PTPRG: variants seen among roughly 807,000 people sequenced by gnomAD.
The protein encoded by PTPRG is protein tyrosine phosphatase receptor type G, also known as receptor-type tyrosine-protein phosphatase gamma.
PTPRG carries 102 observed loss-of-function variants against 165.3 expected under a neutral mutation model. That is an observed-to-expected ratio of 0.62 (90% CI 0.53 to 0.73). PTPRG has a LOEUF of 0.73. Among genes scored for constraint, PTPRG ranks in the 30% least tolerant of loss-of-function variants. PTPRG has a pLI of 0.00. For synonymous variants in PTPRG, 675 were observed against 669.5 expected (o/e 1.01, Z -0.13); for missense variants, 1,866 against 1,861.4 (o/e 1.00, Z -0.05).
At chr3:62,047,868 A>G (rs983214084) in intron 4 of PTPRG, among the ~76,000 whole-genome samples, 1 of 152,084 alleles carries the variant, frequency 6.6e-6, no homozygotes, top group Non-Finnish European at 1.5e-5. Context: ...TTAAAAACAG[A>G]TTTCAGGTTT....
At chr3:61,652,574 T>G (rs1433330942) in intron 1 of PTPRG, among the ~76,000 whole-genome samples, 1 of 147,634 alleles carries the variant, frequency 6.8e-6, no homozygotes, top group Non-Finnish European at 1.5e-5. Flanking sequence ...TCTAGAACCT[T>G]GTTCCTCTAG....
chr3:62,074,829 A>G (rs1701331629), intron 4 of PTPRG, among the ~76,000 whole-genome samples: 1 of 152,110 alleles, frequency 6.6e-6, no homozygotes, highest in Non-Finnish European at 1.5e-5. Flanking sequence ...TGAGGATAAA[A>G]TTGATGGTAG....
At chr3:62,099,791 ATCTTTT>A (rs1225916093) in intron 5 of PTPRG, among the ~76,000 whole-genome samples, 1 of 133,878 alleles carries the variant, frequency 7.5e-6, no homozygotes, top group Non-Finnish European at 1.6e-5. Context: ...TAAGTGTTAA[ATCTTTT>A]TTTTTTTTTT....
At chr3:61,826,023 A>G (rs1266301297) in intron 2 of PTPRG, among the ~76,000 whole-genome samples, 1 of 152,218 alleles carries the variant, frequency 6.6e-6, no homozygotes. Flanking sequence ...CATAGGAACT[A>G]CTTAGCACTC....
chr3:62,128,681 A>T (rs1214633849), intron 5 of PTPRG, among the ~76,000 whole-genome samples: 1 of 150,346 alleles, frequency 6.7e-6, no homozygotes, highest in Non-Finnish European at 1.5e-5. Flanking sequence ...GAAAGCATCC[A>T]TACCTGACTC....
intron 1 of PTPRG, among the ~76,000 whole-genome samples, chr3:61,665,743 G>A (rs529647489): frequency 1.3e-5 from 2 of 152,216 alleles, no homozygotes; most frequent in South Asian, 2.1e-4. Flanking sequence ...TGGGAGGATC[G>A]CTTGAGCCCA....
chr3:62,096,175 A>G (rs942820839), intron 5 of PTPRG, among the ~76,000 whole-genome samples: 49 of 152,132 alleles, frequency 3.2e-4, no homozygotes, highest in African/African-American at 1.1e-3. Context: ...ATATCTTTCT[A>G]TTACCAAGAT....
chr3:61,680,623 A>G (rs1346357292), intron 1 of PTPRG, among the ~76,000 whole-genome samples: 6 of 151,820 alleles, frequency 4.0e-5, no homozygotes, highest in Non-Finnish European at 7.4e-5. Context: ...TCATACAAAA[A>G]AAATAGGAGA....
Position 61,716,927 on chromosome 3 carries a change from G to A in PTPRG, c.86-31951G>A, listed in dbSNP as rs9846828. Reference sequence around the variant, plus strand: ...GCAGAGGTTGCAGTGAGCCAAAATCGTGCCACTGCACTCCAGCCTGGGCAA... The same window carrying A: ...GCAGAGGTTGCAGTGAGCCAAAATCATGCCACTGCACTCCAGCCTGGGCAA... On this transcript the variant is annotated intron_variant, in intron 1 of 29. Transcript: ENST00000474889. Among the ~76,000 whole-genome samples the A allele has an allele frequency of 2.9e-3, 444 of 152,236 alleles. 3 individuals carry two copies. The highest frequency in any genetic ancestry group is 0.01 in the African/African-American group (430 of 41,534).
intron 1 of PTPRG, among the ~76,000 whole-genome samples, chr3:61,696,006 T>G (rs558550216): frequency 5.3e-5 from 8 of 152,286 alleles, no homozygotes; most frequent in African/African-American, 1.9e-4. Context: ...GACAACATTC[T>G]GTGGCACAGT....
chr3:62,073,636 C>G (rs1049611251), intron 4 of PTPRG, among the ~76,000 whole-genome samples: 1 of 152,066 alleles, frequency 6.6e-6, no homozygotes, highest in Non-Finnish European at 1.5e-5. Flanking sequence ...CACCTGCCAC[C>G]GCACCTGGCT....
chr3:61,613,862 A>T (rs1400488756), intron 1 of PTPRG, among the ~76,000 whole-genome samples: 1 of 152,174 alleles, frequency 6.6e-6, no homozygotes, highest in African/African-American at 2.4e-5. Context: ...CTGTGTGCGG[A>T]GACTAATCCA....
intron 2 of PTPRG, among the ~76,000 whole-genome samples, chr3:61,981,321 C>G (rs1433097778): frequency 2.0e-5 from 3 of 152,192 alleles, no homozygotes; most frequent in Admixed American, 2.0e-4. Flanking sequence ...GGGACATAGC[C>G]AAACCATATC....
intron 2 of PTPRG, among the ~76,000 whole-genome samples, chr3:61,833,328 G>A (rs908644092): frequency 3.3e-5 from 5 of 152,170 alleles, no homozygotes; most frequent in African/African-American, 1.2e-4. Context: ...GCATGTGCTT[G>A]ATATAGCAAA....
intron 5 of PTPRG, among the ~76,000 whole-genome samples, chr3:62,129,134 T>TGTTTA (rs1703421453): frequency 6.6e-6 from 1 of 152,166 alleles, no homozygotes; most frequent in Non-Finnish European, 1.5e-5. Context: ...TTTGTGCAGT[T>TGTTTA]GTTTAGAATC....
In PTPRG at chr3:62,245,893, C is replaced by G. The variant is rs1298700139; in HGVS notation, c.2467+1995C>G. ...TTGAATCACTCTTCTTTGATATAGG[C>G]TTTAGAACTTTCAATTCACTAGGAT... On this transcript the variant is annotated intron_variant, in intron 15 of 29. Coordinates refer to ENST00000474889, the MANE Select transcript of PTPRG (RefSeq NM_002841.4). This position sits in a 1 kb window ranked among gnomAD's most constrained non-coding sequence, Gnocchi z 4.2. Among the ~76,000 whole-genome samples, 1 of 152,046 alleles carries G rather than the reference C, an allele frequency of 6.6e-6. No homozygotes were observed. The highest frequency in any genetic ancestry group is 2.1e-4 in the South Asian group (1 of 4,820).
chr3:61,907,217 A>G (rs1183687134), intron 2 of PTPRG, among the ~76,000 whole-genome samples: 1 of 151,866 alleles, frequency 6.6e-6, no homozygotes, highest in East Asian at 1.9e-4. Context: ...CTGGTTCTTA[A>G]TGCCTGGTTT....
intron 7 of PTPRG, among the ~76,000 whole-genome samples, chr3:62,165,297 T>A (rs1316208594): frequency 6.6e-6 from 1 of 152,246 alleles, no homozygotes; most frequent in Admixed American, 6.5e-5. Context: ...ATACTTCTCA[T>A]ATGATTTTAA....
At chr3:62,007,299 G>A (rs906067094) in intron 4 of PTPRG, among the ~76,000 whole-genome samples, 2 of 152,218 alleles carry the variant, frequency 1.3e-5, no homozygotes, top group Admixed American at 6.5e-5. Flanking sequence ...TTCCTGGCTG[G>A]AATCCTAGAC....
Sources: gnomAD v4.1 joint callset for allele counts (sites outside exome capture counted in the v4.1 genomes callset) on GRCh38, gnomAD v4.1.1 for gene constraint, Gnocchi (gnomAD v3.1) non-coding constraint, MANE v1.5 for transcripts, NCBI Gene and HGNC (gene_info 2026-07-23, HGNC 2026-07-21) for gene names.